Variants in PARN observed in about 807,000 individuals in gnomAD.
PARN encodes the protein poly(A)-specific ribonuclease.
A neutral mutation model predicts 102.8 loss-of-function variants in PARN; 71 were observed. That is an observed-to-expected ratio of 0.69 (90% CI 0.57 to 0.84). The LOEUF (loss-of-function observed/expected upper bound fraction) is 0.84, where lower values mean the gene tolerates loss of function less well. Ranked by LOEUF, PARN falls within the 40% of genes least tolerant of loss-of-function variation. PARN has a pLI of 0.00. For synonymous variants in PARN, 261 were observed against 252.9 expected, an observed-to-expected ratio of 1.03 and a Z score of -0.30; for missense variants, 782 against 760.9, an observed-to-expected ratio of 1.03 and a Z score of -0.33.
chr16:14,576,155 T>C (rs1220993435), intron 18 of PARN: 1 of 152,280 alleles, frequency 6.6e-6, no homozygotes, highest in Non-Finnish European at 1.5e-5. Flanking sequence ...TGAATCATTT[T>C]ATCCCCATTT....
At chr16:14,533,637 T>C (rs1966480828) in intron 21 of PARN, among the ~76,000 whole-genome samples, 1 of 152,142 alleles carries the variant, frequency 6.6e-6, no homozygotes, top group South Asian at 2.1e-4. Context: ...CCACCACAGG[T>C]TTCTCAGCCT....
At chr16:14,482,999 T>C (rs1963468603) in intron 21 of PARN, among the ~76,000 whole-genome samples, 172 bp from the exon 22 acceptor site, 1 of 152,094 alleles carries the variant, frequency 6.6e-6, no homozygotes, top group Admixed American at 6.6e-5. Flanking sequence ...CTGCAAACTC[T>C]CCAAGTCTGA....
In PARN at chr16:14,489,422, C is replaced by T. The variant is rs960367929; in HGVS notation, c.1481-6595G>A. ...ATCGTGCCACTGCACTCCAGCCTGG[C>T]GACAGAGAGAGACTCAAAAAAAAAA... On this transcript the variant is annotated intron_variant, in intron 21 of 23. Coordinates refer to ENST00000437198, the MANE Select transcript of PARN (RefSeq NM_002582.4). Among the ~76,000 whole-genome samples, 7 of 124,160 alleles carry T rather than the reference C, an allele frequency of 5.6e-5. No homozygotes were observed. In the Admixed American group the frequency reaches 6.5e-4, roughly 11 times the overall value. The allele number at this position is 124,160 out of a possible 152,430, so 81.5% of individuals were successfully genotyped here.
intron 21 of PARN, among the ~76,000 whole-genome samples, chr16:14,485,780 C>T (rs1963643257): frequency 6.6e-6 from 1 of 152,112 alleles, no homozygotes; most frequent in Non-Finnish European, 1.5e-5. Context: ...CTCCGCCTCC[C>T]GGGTTCAAGT....
chr16:14,620,360 G>A (rs1172973001), intron 5 of PARN, among the ~76,000 whole-genome samples: 1 of 152,222 alleles, frequency 6.6e-6, no homozygotes, highest in Non-Finnish European at 1.5e-5. Context: ...CTGGGCGACA[G>A]AGCGAGACTC....
intron 23 of PARN, among the ~76,000 whole-genome samples, chr16:14,437,074 T>C (rs1960737995): frequency 6.6e-6 from 1 of 152,258 alleles, no homozygotes; most frequent in South Asian, 2.1e-4. Context: ...TATTCCTCAC[T>C]GAACACCATG....
At chr16:14,469,712 A>G (rs1962603681) in intron 22 of PARN, among the ~76,000 whole-genome samples, 1 of 152,008 alleles carries the variant, frequency 6.6e-6, no homozygotes, top group South Asian at 2.1e-4. Flanking sequence ...AAGTGTCAAA[A>G]AAAAAAAAAA....
intron 18 of PARN, among the ~76,000 whole-genome samples, chr16:14,564,344 T>C (rs766130763): frequency 6.6e-6 from 1 of 152,172 alleles, no homozygotes; most frequent in East Asian, 1.9e-4. Flanking sequence ...GGAGCCCTGA[T>C]ACAAAAAATG....
At chr16:14,461,028 G>A (rs1567292658) in intron 22 of PARN, among the ~76,000 whole-genome samples, 2 of 152,198 alleles carry the variant, frequency 1.3e-5, no homozygotes, top group South Asian at 4.1e-4. Context: ...TTGATATGAA[G>A]TGATGAGGAT....
At chr16:14,533,307 G>A (rs561298353) in intron 21 of PARN, among the ~76,000 whole-genome samples, 1 of 152,226 alleles carries the variant, frequency 6.6e-6, no homozygotes, top group East Asian at 1.9e-4. Flanking sequence ...TCGGCAGGCC[G>A]AGGCAGGAGA....
intron 23 of PARN, among the ~76,000 whole-genome samples, chr16:14,445,753 G>A (rs201471745): frequency 1.3e-5 from 2 of 152,182 alleles, no homozygotes; most frequent in African/African-American, 2.4e-5. Context: ...TAGTAGAGAC[G>A]TGGTTTTGCC....
At chr16:14,511,145 T>A (rs1965167259) in intron 21 of PARN, among the ~76,000 whole-genome samples, 1 of 152,202 alleles carries the variant, frequency 6.6e-6, no homozygotes, top group Non-Finnish European at 1.5e-5. Context: ...TCTTCCCTTG[T>A]TAAAAAAATG....
chr16:14,569,179 T>G (rs2151731150), intron 18 of PARN, among the ~76,000 whole-genome samples: 1 of 151,510 alleles, frequency 6.6e-6, no homozygotes, highest in South Asian at 2.1e-4. Flanking sequence ...GCCACTGCAC[T>G]CCAGCCTGGG....
chr16:14,450,727 C>T (rs1961410794), intron 22 of PARN, among the ~76,000 whole-genome samples: 1 of 152,046 alleles, frequency 6.6e-6, no homozygotes, highest in East Asian at 1.9e-4. Context: ...TGGATGATTC[C>T]AGGCTCAAGG....
intron 22 of PARN, among the ~76,000 whole-genome samples, chr16:14,458,997 G>T (rs1273370123): frequency 6.6e-6 from 1 of 152,030 alleles, no homozygotes; most frequent in Non-Finnish European, 1.5e-5. Flanking sequence ...AGTTAGGTTT[G>T]TATCCCCCAA....
chr16:14,595,748 C>A (rs1319790487), intron 12 of PARN, among the ~76,000 whole-genome samples: 1 of 152,088 alleles, frequency 6.6e-6, no homozygotes, highest in East Asian at 1.9e-4. Flanking sequence ...CTAGGCTGGT[C>A]TCAAACTCCT....
chr16:14,439,981 C>A (rs1434484040), intron 23 of PARN, among the ~76,000 whole-genome samples: 2 of 152,158 alleles, frequency 1.3e-5, no homozygotes, highest in Non-Finnish European at 2.9e-5. Context: ...TGCCACTGCA[C>A]TCCAGTCTGG....
intron 22 of PARN, among the ~76,000 whole-genome samples, chr16:14,456,402 G>A (rs1399620108): frequency 6.6e-6 from 1 of 151,870 alleles, no homozygotes; most frequent in African/African-American, 2.4e-5. Context: ...TTGAACTTCT[G>A]GGCTCAACTG....
chr16:14,510,535 C>T (rs774339738), intron 21 of PARN, among the ~76,000 whole-genome samples: 7 of 152,066 alleles, frequency 4.6e-5, no homozygotes, highest in Non-Finnish European at 5.9e-5. Context: ...AAAAATTAAT[C>T]TTTATGATTT....
Sources: allele counts gnomAD v4.1 joint callset (sites outside exome capture counted in the v4.1 genomes callset), GRCh38; gene constraint gnomAD v4.1.1; transcripts MANE v1.5; gene names NCBI Gene and HGNC (gene_info 2026-07-23, HGNC 2026-07-21).